The following PHF14 variants were observed in gnomAD, a reference collection of about 807,000 sequenced individuals.
The protein encoded by PHF14 is PHD finger protein 14.
PHF14 carries 55 observed loss-of-function variants against 117.9 expected under a neutral mutation model. The observed-to-expected ratio is 0.47, with a 90% CI of 0.38 to 0.58. The LOEUF is 0.58. PHF14 is among the 20% of genes least tolerant of loss of function. The probability of loss-of-function intolerance (pLI) is 0.00; values close to 1 mark genes in which losing one functional copy is unlikely to be tolerated. For synonymous variants in PHF14, 409 were observed against 368.6 expected, an observed-to-expected ratio of 1.11 and a Z score of -1.26; for missense variants, 978 against 1,122.2, an observed-to-expected ratio of 0.87 and a Z score of 1.84.
At position 10,983,015 on chromosome 7, in the gene PHF14, T is replaced by A; in HGVS notation, c.756T>A (p.Asp252Glu). 1 of 1,584,940 alleles carries A rather than the reference T, an allele frequency of 6.3e-7. No homozygotes were observed. The highest frequency in any genetic ancestry group is 8.6e-7 in the Non-Finnish European group (1 of 1,168,318). ...EGSGSDEDEN[D>E]EGNDEDHSSP... The stretch of plus-strand genomic sequence containing the variant: ...GCGGGAGTGATGAAGACGAGAATGA[T>A]GAAGGCAATGATGAAGATCATAGTA... Residue 252 changes from aspartate (D) to glutamate (E), a missense_variant, in exon 3 of 18, where the codon GAT becomes GAA. Coordinates refer to ENST00000634607, the MANE Select transcript of PHF14 (RefSeq NM_001007157.2).
chr7:11,005,431 C>T (rs1783047227), intron 4 of PHF14, among the ~76,000 whole-genome samples: 1 of 152,292 alleles, frequency 6.6e-6, no homozygotes, highest in South Asian at 2.1e-4. Flanking sequence ...CCAAGTTTGA[C>T]CAGTGAGAGT....
At chr7:11,006,458 C>T (rs1783100959) in intron 4 of PHF14, 1 of 537,034 alleles carries the variant, frequency 1.9e-6, no homozygotes, top group South Asian at 1.4e-5. Flanking sequence ...GCCAGTCGAA[C>T]ATATGCCTTC....
chr7:11,136,955 C>A (rs915959077), intron 17 of PHF14, among the ~76,000 whole-genome samples: 1 of 152,076 alleles, frequency 6.6e-6, no homozygotes, highest in Non-Finnish European at 1.5e-5. Context: ...AAAAAATATT[C>A]AAGAAATAAC....
chr7:11,098,588 T>G (rs1435207806), intron 16 of PHF14, among the ~76,000 whole-genome samples: 1 of 152,194 alleles, frequency 6.6e-6, no homozygotes, highest in Non-Finnish European at 1.5e-5. Context: ...CCAGTTCTTG[T>G]GGAAAGTGCA....
chr7:11,041,424 T>TTG (rs58282147), intron 12 of PHF14, among the ~76,000 whole-genome samples: 3,555 of 150,364 alleles, frequency 0.024, 97 homozygotes, highest in African/African-American at 0.072. Context: ...GCTGGTGTTT[T>TTG]TGTGTGTGTG....
intron 4 of PHF14, among the ~76,000 whole-genome samples, chr7:11,004,246 C>CAAAAAAAAAAAAAAAAAAAA (rs55917513): frequency 2.0e-5 from 1 of 51,262 alleles, no homozygotes; most frequent in East Asian, 5.4e-4. Context: ...GACTTTGTCT[C>CAAAAAAAAAAAAAAAAAAAA]AAAAAAAAAA....
chr7:11,143,635 A>G (rs923637956), intron 17 of PHF14, among the ~76,000 whole-genome samples: 28 of 152,280 alleles, frequency 1.8e-4, no homozygotes, highest in African/African-American at 5.8e-4. Context: ...CTGCTTGCAT[A>G]TTGGTGTATG....
chr7:11,157,540 C>G (rs1279108398), intron 17 of PHF14, among the ~76,000 whole-genome samples: 1 of 152,062 alleles, frequency 6.6e-6, no homozygotes, highest in Non-Finnish European at 1.5e-5. Context: ...TGTTTTGAAA[C>G]CCTTGATTAA....
chr7:11,105,231 G>A lies in PHF14; in HGVS notation c.2655-6119G>A, dbSNP rs557271076. On this transcript the variant is annotated intron_variant, in intron 16 of 17. Transcript: ENST00000634607. ...ACTTTAGAAATTATATTTATGCATTGTTTATAGATCATTGTCATTCGTTGT... is the reference window on the plus strand; with the variant it reads ...ACTTTAGAAATTATATTTATGCATTATTTATAGATCATTGTCATTCGTTGT... The A allele has an allele frequency of 2.2e-5, 21 of 960,346 alleles. No homozygotes were observed. The East Asian group carries it at 3.4e-4, about 16-fold the overall frequency. The allele number at this position is 960,346 out of a possible 1,614,324, so 59.5% of individuals were successfully genotyped here.
At chr7:10,989,977 A>G (rs190057505) in intron 3 of PHF14, among the ~76,000 whole-genome samples, 1 of 152,142 alleles carries the variant, frequency 6.6e-6, no homozygotes, top group Admixed American at 6.5e-5. Context: ...TTACCAGTTT[A>G]CACTGGATAT....
At chr7:11,091,449 T>C (rs10228877) in intron 16 of PHF14, among the ~76,000 whole-genome samples, 4,992 of 152,188 alleles carry the variant, frequency 0.033, 180 homozygotes, top group African/African-American at 0.087. Context: ...GCATTTAAAA[T>C]TATGGGATTA....
rs530921636 is a variant in PHF14, at chr7:11,030,187, G to A, written c.1455+1369G>A. Among the ~76,000 whole-genome samples, 7 of 151,356 alleles carry A rather than the reference G, an allele frequency of 4.6e-5. 1 individual carries two copies. The South Asian group carries it at 8.4e-4, about 18-fold the overall frequency. On this transcript the variant is annotated intron_variant, in intron 7 of 17. Transcript: ENST00000634607. ...GTAGACATAGAGTTATAATTATACG[G>A]TAAAGGTAGTCTGGATTCCTCATAG...
intron 17 of PHF14, among the ~76,000 whole-genome samples, chr7:11,112,644 G>A (rs1369447361): frequency 6.6e-6 from 1 of 151,928 alleles, no homozygotes; most frequent in Non-Finnish European, 1.5e-5. Flanking sequence ...GGTGGCGAGT[G>A]CCTCTAATCC....
chr7:11,091,549 A>C (rs991495303), intron 16 of PHF14, among the ~76,000 whole-genome samples: 6 of 152,152 alleles, frequency 3.9e-5, no homozygotes, highest in Admixed American at 6.5e-5. Flanking sequence ...TGAGCCCAGG[A>C]GTTCAAGACC....
chr7:11,108,802 AATT>A (rs1317606012), intron 16 of PHF14: 1 of 151,810 alleles, frequency 6.6e-6, no homozygotes, highest in Non-Finnish European at 1.5e-5. Flanking sequence ...TATCAACAAG[AATT>A]ATTTATGTAC....
At chr7:11,024,546 T>G (rs1344311023) in intron 6 of PHF14, among the ~76,000 whole-genome samples, 5 of 152,118 alleles carry the variant, frequency 3.3e-5, no homozygotes, top group African/African-American at 9.7e-5. Flanking sequence ...GCTGGTGACT[T>G]TAAGTTGAAG....
chr7:11,006,601 C>T (rs1488784776), intron 4 of PHF14: 12 of 609,732 alleles, frequency 2.0e-5, no homozygotes, highest in African/African-American at 5.5e-5. Context: ...TTGTTGTCTT[C>T]TATCTTCTTC....
chr7:11,050,317 A>T (rs777945334), intron 13 of PHF14, among the ~76,000 whole-genome samples: 2 of 152,194 alleles, frequency 1.3e-5, no homozygotes, highest in Non-Finnish European at 2.9e-5. Flanking sequence ...ATCAAATACA[A>T]TTTTACAGAT....
intron 7 of PHF14, among the ~76,000 whole-genome samples, chr7:11,034,403 T>C (rs1378755820): frequency 6.6e-6 from 1 of 152,066 alleles, no homozygotes; most frequent in East Asian, 1.9e-4. Context: ...ATATTCTTTT[T>C]TGTACACTAC....
Sources: allele counts gnomAD v4.1 joint callset (sites outside exome capture counted in the v4.1 genomes callset), GRCh38; gene constraint gnomAD v4.1.1; transcripts MANE v1.5; gene names NCBI Gene and HGNC (gene_info 2026-07-23, HGNC 2026-07-21).